CRTC3: variants seen among roughly 807,000 people sequenced by gnomAD.
CRTC3 encodes CREB regulated transcription coactivator 3.
A neutral mutation model predicts 74.5 loss-of-function variants in CRTC3; 26 were observed. That is an observed-to-expected ratio of 0.35 (90% CI 0.26 to 0.48). The LOEUF is 0.48. Ranked by LOEUF, CRTC3 falls within the 20% of genes least tolerant of loss-of-function variation. The probability of loss-of-function intolerance (pLI) is 0.99; values close to 1 mark genes in which losing one functional copy is unlikely to be tolerated. For synonymous variants in CRTC3, 377 were observed against 325.8 expected (o/e 1.16, Z -1.69); for missense variants, 760 against 787.3 (o/e 0.97, Z 0.41).
At chr15:90,638,275 A>C (rs1969310890) in intron 11 of CRTC3, 171 bp from the exon 12 acceptor site, 2 of 585,162 alleles carry the variant, frequency 3.4e-6, no homozygotes, top group Non-Finnish European at 6.1e-6. Context: ...TGGGGAAGTA[A>C]AATTTGAGAT....
At chr15:90,574,577 T>G (rs555309947) in intron 2 of CRTC3, among the ~76,000 whole-genome samples, 7 of 152,088 alleles carry the variant, frequency 4.6e-5, no homozygotes, top group Non-Finnish European at 8.8e-5. Flanking sequence ...TGACTAGAAG[T>G]GAAGTTGCTG....
intron 6 of CRTC3, among the ~76,000 whole-genome samples, chr15:90,608,731 C>T (rs550536317): frequency 2.0e-5 from 3 of 152,186 alleles, no homozygotes; most frequent in Non-Finnish European, 4.4e-5. Context: ...CAGAGGAGCC[C>T]GTACTGATGG....
At chr15:90,601,375 C>G (rs1968064931) in intron 3 of CRTC3, among the ~76,000 whole-genome samples, 1 of 152,106 alleles carries the variant, frequency 6.6e-6, no homozygotes, top group African/African-American at 2.4e-5. Flanking sequence ...AACCGCCGGG[C>G]GCAGTGGCTC....
At chr15:90,575,139 C>T (rs574054495) in intron 2 of CRTC3, among the ~76,000 whole-genome samples, 1 of 152,272 alleles carries the variant, frequency 6.6e-6, no homozygotes, top group African/African-American at 2.4e-5. Context: ...CACCTGAGGT[C>T]AGCAGTTCGA....
At chr15:90,624,284 G>A (rs1968751678) in intron 9 of CRTC3, among the ~76,000 whole-genome samples, 1 of 151,980 alleles carries the variant, frequency 6.6e-6, no homozygotes, top group African/African-American at 2.4e-5. Context: ...ACCACTGCAG[G>A]TGGTCCTTCT....
intron 2 of CRTC3, among the ~76,000 whole-genome samples, chr15:90,588,200 C>G (rs908413990): frequency 6.6e-6 from 1 of 150,874 alleles, no homozygotes; most frequent in Non-Finnish European, 1.5e-5. Context: ...GCAGAGGTTA[C>G]AGTGAGCTGA....
intron 2 of CRTC3, among the ~76,000 whole-genome samples, chr15:90,551,635 C>T (rs186092536): frequency 6.6e-6 from 1 of 152,086 alleles, no homozygotes; most frequent in South Asian, 2.1e-4. Flanking sequence ...CTCACCTTCC[C>T]TTAAGAGCCC....
chr15:90,551,944 G>GTGCACACACACA (rs1555446978), intron 2 of CRTC3, among the ~76,000 whole-genome samples: 2 of 129,272 alleles, frequency 1.5e-5, no homozygotes, highest in East Asian at 4.1e-4. Context: ...ACACACACAC[G>GTGCACACACACA]CACACACACA....
At chr15:90,559,381 C>T (rs186370389) in intron 2 of CRTC3, among the ~76,000 whole-genome samples, 2 of 152,254 alleles carry the variant, frequency 1.3e-5, no homozygotes, top group East Asian at 1.9e-4. Flanking sequence ...ACAAGTATTC[C>T]ACTAGAGCAG....
In CRTC3 at chr15:90,627,120, G is replaced by A. The variant is rs962887172; in HGVS notation, c.967+1127G>A. ...AAATCAGAACTCACCACCCAAATGA[G>A]AGTGGTCCCCTTCAGGGGGGGTCAC... On this transcript the variant is annotated intron_variant, in intron 10 of 14. Transcript: ENST00000268184. Among the ~76,000 whole-genome samples the A allele has an allele frequency of 3.9e-5, 6 of 152,358 alleles. No homozygotes were observed. In the South Asian group the frequency reaches 1.2e-3, roughly 32 times the overall value.
At chr15:90,582,336 C>T (rs1185229878) in intron 2 of CRTC3, among the ~76,000 whole-genome samples, 2 of 152,186 alleles carry the variant, frequency 1.3e-5, no homozygotes, top group East Asian at 1.9e-4. Context: ...GGGTGGCGCT[C>T]TGTGGAAAGA....
intron 2 of CRTC3, among the ~76,000 whole-genome samples, chr15:90,575,969 A>G (rs1967394726): frequency 6.6e-6 from 1 of 152,218 alleles, no homozygotes; most frequent in South Asian, 2.1e-4. Context: ...TTTTAGGAAG[A>G]TTATTCTGAC....
At chr15:90,546,086 G>A (rs1195436523) in intron 2 of CRTC3, among the ~76,000 whole-genome samples, 1 of 152,034 alleles carries the variant, frequency 6.6e-6, no homozygotes, top group Non-Finnish European at 1.5e-5. Flanking sequence ...TATGATTTGT[G>A]CTTTTGTCTT....
At chr15:90,563,408 A>T (rs2151066625) in intron 2 of CRTC3, among the ~76,000 whole-genome samples, 1 of 152,276 alleles carries the variant, frequency 6.6e-6, no homozygotes, top group East Asian at 1.9e-4. Context: ...TCTGTATCAA[A>T]AAATAAATAA....
intron 2 of CRTC3, among the ~76,000 whole-genome samples, chr15:90,563,065 A>T (rs536734936): frequency 6.6e-6 from 1 of 152,208 alleles, no homozygotes; most frequent in Non-Finnish European, 1.5e-5. Flanking sequence ...AGTCTCCGAG[A>T]AGTTTTGGGG....
intron 2 of CRTC3, among the ~76,000 whole-genome samples, chr15:90,575,371 G>A (rs1967379944): frequency 6.6e-6 from 1 of 152,092 alleles, no homozygotes; most frequent in South Asian, 2.1e-4. Context: ...AAAAGTTAAT[G>A]CCTTTTTGGT....
chr15:90,550,891 C>G (rs925256123), intron 2 of CRTC3, among the ~76,000 whole-genome samples: 3 of 151,962 alleles, frequency 2.0e-5, no homozygotes, highest in Non-Finnish European at 2.9e-5. Context: ...AGGGAGCACT[C>G]CTAATAATGC....
At chr15:90,597,112 G>C (rs1316622653) in intron 3 of CRTC3, among the ~76,000 whole-genome samples, 4 of 152,236 alleles carry the variant, frequency 2.6e-5, no homozygotes, top group Non-Finnish European at 5.9e-5. Context: ...CTGGGCCCTG[G>C]CCTAGCCCCA....
intron 2 of CRTC3, among the ~76,000 whole-genome samples, chr15:90,542,531 C>T (rs934069410): frequency 6.6e-6 from 1 of 152,090 alleles, no homozygotes; most frequent in Non-Finnish European, 1.5e-5. Context: ...TGCCCCATCA[C>T]CCCCTAATAT....
Sources: allele counts gnomAD v4.1 joint callset (sites outside exome capture counted in the v4.1 genomes callset), GRCh38; gene constraint gnomAD v4.1.1; transcripts MANE v1.5; gene names NCBI Gene and HGNC (gene_info 2026-07-23, HGNC 2026-07-21).